SAMMSON: variants seen among roughly 807,000 people sequenced by gnomAD.
The protein encoded by SAMMSON is long intergenic non-protein coding RNA 1212.
intron 6 of SAMMSON, among the ~76,000 whole-genome samples, chr3:70,263,213 CT>C (rs1701884888): frequency 6.6e-6 from 1 of 151,834 alleles, no homozygotes. Context: ...TCATATTTTC[CT>C]GCTTCTTCTT....
chr3:70,206,464 A>G (rs544614504), intron 4 of SAMMSON: 86 of 395,570 alleles, frequency 2.2e-4, no homozygotes, highest in Admixed American at 3.5e-4. Flanking sequence ...TTCGTGTTTA[A>G]TATTCATAAG....
chr3:70,079,401 G>A (rs2067259984), intron 4 of SAMMSON, among the ~76,000 whole-genome samples: 1 of 152,146 alleles, frequency 6.6e-6, no homozygotes, highest in Non-Finnish European at 1.5e-5. Context: ...AACACTTGCT[G>A]CCTCTATAAG....
intron 4 of SAMMSON, among the ~76,000 whole-genome samples, chr3:70,149,721 TC>T (rs1347273138): frequency 6.6e-6 from 1 of 152,062 alleles, no homozygotes; most frequent in Non-Finnish European, 1.5e-5. Context: ...CATTATGTTG[TC>T]CCAAGCTGTC....
intron 1 of SAMMSON, among the ~76,000 whole-genome samples, chr3:70,007,431 C>A (rs1038972962): frequency 6.6e-6 from 1 of 152,162 alleles, no homozygotes; most frequent in Non-Finnish European, 1.5e-5. Flanking sequence ...TGTCTGTTGG[C>A]TGCATAAATG....
chr3:70,053,459 T>TA (rs1323895012), intron 3 of SAMMSON, among the ~76,000 whole-genome samples: 1 of 152,110 alleles, frequency 6.6e-6, no homozygotes, highest in Non-Finnish European at 1.5e-5. Context: ...ATTCCCCTGT[T>TA]AAAGATGAGA....
intron 7 of SAMMSON, among the ~76,000 whole-genome samples, chr3:70,307,270 A>G (rs1307035814): frequency 2.0e-5 from 3 of 152,146 alleles, no homozygotes; most frequent in African/African-American, 7.2e-5. Flanking sequence ...AGAAATCCAG[A>G]TTTCCAGTTT....
At chr3:70,376,937 T>C (rs1344005138) in intron 9 of SAMMSON, among the ~76,000 whole-genome samples, 2 of 152,162 alleles carry the variant, frequency 1.3e-5, no homozygotes, top group Admixed American at 6.5e-5. Flanking sequence ...TCCTCACAAA[T>C]ATCATTCTAA....
chr3:70,006,358 G>T (rs1190012106), intron 1 of SAMMSON, among the ~76,000 whole-genome samples: 1 of 152,160 alleles, frequency 6.6e-6, no homozygotes, highest in Non-Finnish European at 1.5e-5. Context: ...AAGAGGAAGG[G>T]AATGTGTATT....
At chr3:70,092,909 T>TG (rs984935483) in intron 4 of SAMMSON, among the ~76,000 whole-genome samples, 3 of 150,786 alleles carry the variant, frequency 2.0e-5, no homozygotes, top group Non-Finnish European at 3.0e-5. Flanking sequence ...TTTGTTTTTT[T>TG]TTTTTTGTTT....
intron 9 of SAMMSON, among the ~76,000 whole-genome samples, chr3:70,364,262 TG>T (rs1265351094): frequency 2.0e-5 from 3 of 151,886 alleles, no homozygotes; most frequent in African/African-American, 7.2e-5. Context: ...TAAAGGTTCA[TG>T]GGAAAAATAA....
At chr3:70,281,839 C>A (rs1312075832) in intron 6 of SAMMSON, among the ~76,000 whole-genome samples, 1 of 152,138 alleles carries the variant, frequency 6.6e-6, no homozygotes, top group Non-Finnish European at 1.5e-5. Flanking sequence ...AATGCAAATT[C>A]TTTAGCTTCA....
At chr3:70,199,808 A>G (rs1230709674) in intron 4 of SAMMSON, among the ~76,000 whole-genome samples, 2 of 152,168 alleles carry the variant, frequency 1.3e-5, no homozygotes, top group Non-Finnish European at 2.9e-5. Flanking sequence ...TCAAAGTCCT[A>G]TCCCAGGATT....
At chr3:70,149,295 A>T (rs2067562038) in intron 4 of SAMMSON, among the ~76,000 whole-genome samples, 1 of 152,064 alleles carries the variant, frequency 6.6e-6, no homozygotes, top group African/African-American at 2.4e-5. Context: ...CTGTTAGGGG[A>T]CAAAGCAGAG....
chr3:70,006,573 T>C (rs2066927368), intron 1 of SAMMSON, among the ~76,000 whole-genome samples: 1 of 152,226 alleles, frequency 6.6e-6, no homozygotes, highest in Non-Finnish European at 1.5e-5. Context: ...ATGCTACTTC[T>C]CAAAAGGGAA....
chr3:70,242,498 T>G (rs1336461647), intron 4 of SAMMSON, among the ~76,000 whole-genome samples: 1 of 152,176 alleles, frequency 6.6e-6, no homozygotes, highest in Non-Finnish European at 1.5e-5. Context: ...CATGATAGCT[T>G]CTAAGTTGTT....
chr3:70,028,034 T>C (rs1239271278), intron 3 of SAMMSON, among the ~76,000 whole-genome samples: 2 of 152,296 alleles, frequency 1.3e-5, no homozygotes, highest in African/African-American at 4.8e-5. Context: ...AGCCACTTAA[T>C]ACTTTACCTC....
chr3:70,291,758 C>G (rs1348821412), intron 7 of SAMMSON: 2 of 152,196 alleles, frequency 1.3e-5, no homozygotes, highest in African/African-American at 2.4e-5. Context: ...GATGATATGT[C>G]TTTTCCCCTC....
intron 4 of SAMMSON, among the ~76,000 whole-genome samples, chr3:70,076,309 G>A (rs1490625957): frequency 6.6e-6 from 1 of 152,102 alleles, no homozygotes; most frequent in Non-Finnish European, 1.5e-5. Context: ...TGAAACAAAA[G>A]GTAAATCCTA....
At chr3:70,351,680 T>C (rs1294915807) in intron 7 of SAMMSON, among the ~76,000 whole-genome samples, 2 of 84,212 alleles carry the variant, frequency 2.4e-5, no homozygotes, top group Non-Finnish European at 4.9e-5. Context: ...GAAATGCTAA[T>C]GAGCACAGAT....
Sources: allele counts gnomAD v4.1 joint callset (sites outside exome capture counted in the v4.1 genomes callset), GRCh38; gene constraint gnomAD v4.1.1; transcripts MANE v1.5; gene names NCBI Gene and HGNC (gene_info 2026-07-23, HGNC 2026-07-21).